Variants in NECAB2 observed in about 807,000 individuals in gnomAD.
The protein encoded by NECAB2 is N-terminal EF-hand calcium binding protein 2.
Under a neutral mutation model 51.9 loss-of-function variants are expected in NECAB2, and 68 were observed. The observed-to-expected ratio is 1.31, with a 90% CI of 1.08 to 1.60. The LOEUF (loss-of-function observed/expected upper bound fraction) is 1.60, where lower values mean the gene tolerates loss of function less well. NECAB2 is among the 40% of genes most tolerant of loss of function. The probability of loss-of-function intolerance (pLI) is 0.00; values close to 1 mark genes in which losing one functional copy is unlikely to be tolerated. For synonymous variants in NECAB2, 329 were observed against 203.5 expected (o/e 1.62, Z -5.25); for missense variants, 854 against 490.3 (o/e 1.74, Z -7.00).
intron 8 of NECAB2, among the ~76,000 whole-genome samples, chr16:83,995,735 C>G (rs1320905037): frequency 6.6e-6 from 1 of 152,144 alleles, no homozygotes; most frequent in East Asian, 1.9e-4. Context: ...ACAAGGGGCT[C>G]CCCGCATGGA....
At chr16:83,972,221 T>C in intron 2 of NECAB2, 46 bp downstream of exon 2, 1 of 1,612,220 alleles carries the variant, frequency 6.2e-7, no homozygotes, top group Non-Finnish European at 8.5e-7. Context: ...CCTTCTGTCC[T>C]CGTGCTTCAT....
chr16:83,993,279 CT>C (rs1567674771), intron 6 of NECAB2: 4 of 152,214 alleles, frequency 2.6e-5, no homozygotes, highest in African/African-American at 9.7e-5. Context: ...ATTTAATTTC[CT>C]GCTGGTTTAT....
At chr16:83,996,888 C>T (rs531546254) in intron 8 of NECAB2, among the ~76,000 whole-genome samples, 2 of 152,258 alleles carry the variant, frequency 1.3e-5, no homozygotes, top group South Asian at 2.1e-4. Context: ...CCCTGAGGTG[C>T]TGGGGGTTAT....
intron 5 of NECAB2, among the ~76,000 whole-genome samples, chr16:83,984,496 G>A (rs2084527720): frequency 6.6e-6 from 1 of 152,000 alleles, no homozygotes. Flanking sequence ...GCCGAGGCGG[G>A]AGGATCGCTT....
At chr16:83,968,963 A>G (rs1218060412) in intron 1 of NECAB2, 114 bp downstream of exon 1, 2 of 611,066 alleles carry the variant, frequency 3.3e-6, no homozygotes, top group South Asian at 7.4e-5. Context: ...CTACCCGGGC[A>G]GGAGACCCCC....
chr16:84,000,974 C>T lies in NECAB2; in HGVS notation c.1040+173C>T, dbSNP rs369863639. Among the ~76,000 whole-genome samples, 462 of 127,094 alleles carry T rather than the reference C, an allele frequency of 3.6e-3. 6 individuals are homozygous for T. Among genetic ancestry groups the T allele is most frequent in the African/African-American group, 0.022 (445 of 20,450 alleles). 83.4% of individuals were successfully genotyped at this position (127,094 alleles called of 152,430 possible). On this transcript the variant is annotated intron_variant, in intron 11 of 12. Coordinates refer to ENST00000305202, the MANE Select transcript of NECAB2 (RefSeq NM_019065.3). ...CAGTAAACCCTGGTGGAGGCAGGAG[C>T]TCTTGGTGGGTAGTGAGAGCCCCCA...
chr16:83,978,373 C>G, intron 2 of NECAB2, 71 bp from the exon 3 acceptor site: 2 of 1,214,674 alleles, frequency 1.6e-6, no homozygotes, highest in Non-Finnish European at 2.4e-6. Context: ...ATTTGGGGGC[C>G]GTGCATGCAC....
intron 6 of NECAB2, 41 bp downstream of exon 6, chr16:83,990,671 C>T (rs367768960): frequency 5.7e-5 from 91 of 1,605,472 alleles, no homozygotes; most frequent in Admixed American, 4.7e-4. Flanking sequence ...GGGGGTATGC[C>T]GTGCACGCGC....
chr16:83,984,756 C>G (rs1221337822), intron 5 of NECAB2, among the ~76,000 whole-genome samples: 1 of 152,132 alleles, frequency 6.6e-6, no homozygotes, highest in African/African-American at 2.4e-5. Flanking sequence ...AAATGTGCTG[C>G]TGTAGCTCAC....
rs1480905319 is a variant in NECAB2 at position 84,001,836 on chromosome 16, G to A, written c.1052G>A (p.Ser351Asn). 6.2e-7 allele frequency: 1 copy of A among 1,614,084 alleles called. No homozygotes were observed. Among genetic ancestry groups the A allele is most frequent in the Non-Finnish European group, 8.5e-7 (1 of 1,179,954 alleles). The change falls in exon 12 of 13, where the codon AGC becomes AAC. Residue 351 changes from serine to asparagine, a missense_variant. By Grantham distance (46) the Ser-to-Asn change is conservative (BLOSUM62 1). Coordinates refer to ENST00000305202, the MANE Select transcript of NECAB2 (RefSeq NM_019065.3). ...TEEAWKRHLQ[S>N]PLCKAFRHVK... ...TCCCTGCGTCACAGGCACCTGCAGA[G>A]CCCCCTGTGTAAGGCGTTCCGGCAC...
At position 83,986,535 on chromosome 16, in the gene NECAB2, C is replaced by G. The variant is rs75956729; in HGVS notation, c.460-3959C>G. ...TGCATTTCTGTATAAGAGATAAAGACGGGGTCTTGTTGTGTTGCCCAGGCT... is the reference window on the plus strand; with the variant it reads ...TGCATTTCTGTATAAGAGATAAAGAGGGGGTCTTGTTGTGTTGCCCAGGCT... On this transcript the variant is annotated intron_variant, in intron 5 of 12. Coordinates refer to ENST00000305202, the MANE Select transcript of NECAB2 (RefSeq NM_019065.3). Among the ~76,000 whole-genome samples the G allele has an allele frequency of 1.8e-3, 270 of 152,184 alleles. 1 individual carries two copies. The highest frequency in any genetic ancestry group is 6.2e-3 in the African/African-American group (257 of 41,518).
chr16:83,984,267 T>C (rs1420360898), intron 5 of NECAB2, among the ~76,000 whole-genome samples: 1 of 151,730 alleles, frequency 6.6e-6, no homozygotes, highest in African/African-American at 2.4e-5. Flanking sequence ...AGTGCTGGGA[T>C]TACAGGCGTG....
chr16:83,996,693 T>G (rs1371070396), intron 8 of NECAB2, among the ~76,000 whole-genome samples: 1 of 152,022 alleles, frequency 6.6e-6, no homozygotes, highest in Admixed American at 6.6e-5. Flanking sequence ...TGACTGTTGA[T>G]CTTCTGTGGG....
At position 84,002,487 on chromosome 16, in the gene NECAB2, G is replaced by GTTCTTT; in HGVS notation, c.*142_*143insTCTTTT. The GTTCTTT allele has an allele frequency of 8.5e-7, 1 of 1,172,290 alleles. No individual in the cohort carries two copies. Among genetic ancestry groups the GTTCTTT allele is most frequent in the Non-Finnish European group, 1.2e-6 (1 of 805,628 alleles). 72.6% of individuals were successfully genotyped at this position (1,172,290 alleles called of 1,614,324 possible). A position where few individuals can be genotyped will look rare whatever the true frequency, so the allele number is the denominator to read the frequency against. Reference sequence around the variant, plus strand: ...CAAGAAGGTGTTTCCCTGTTGTTAAGTGAAGGAGGCCGCCCCTGCCCCCAC... The same window carrying GTTCTTT: ...CAAGAAGGTGTTTCCCTGTTGTTAAGTTCTTTTGAAGGAGGCCGCCCCTGCCCCCAC... On this transcript the variant is annotated 3_prime_UTR_variant, in exon 13 of 13. Coordinates refer to ENST00000305202, the MANE Select transcript of NECAB2 (RefSeq NM_019065.3).
At chr16:83,983,198 G>A (rs374869690) in intron 5 of NECAB2, among the ~76,000 whole-genome samples, 3 of 152,138 alleles carry the variant, frequency 2.0e-5, no homozygotes, top group Non-Finnish European at 4.4e-5. Flanking sequence ...AGTGGTTTTT[G>A]TTTGTAGAAA....
chr16:83,979,625 G>A (rs961627258), intron 3 of NECAB2, among the ~76,000 whole-genome samples: 9 of 152,102 alleles, frequency 5.9e-5, no homozygotes, highest in African/African-American at 1.2e-4. Flanking sequence ...CCAGGCAGGT[G>A]CCCATTGATT....
chr16:83,968,419 G>A lies in NECAB2; in HGVS notation c.-230G>A, dbSNP rs1473592294. The stretch of plus-strand genomic sequence containing the variant: ...CCTCGCCCCGGCGGGCAGTCCTCAG[G>A]CCCCGCGCCCGGCCGGCGGGGGTGG... On this transcript the variant is annotated 5_prime_UTR_variant, in exon 1 of 13. Transcript: ENST00000305202. 6.7e-6 allele frequency among the ~76,000 whole-genome samples: 1 copy of A among 148,544 alleles called. No homozygotes were observed. The highest frequency in any genetic ancestry group is 1.5e-5 in the Non-Finnish European group (1 of 66,862).
Position 84,002,760 on chromosome 16 carries a change from A to C in NECAB2, c.*414A>C. 9.6e-6 allele frequency: 2 copies of C among 208,940 alleles called. No homozygotes were observed. Among genetic ancestry groups the C allele is most frequent in the East Asian group, 1.1e-4 (1 of 9,144 alleles). 12.9% of individuals were successfully genotyped at this position (208,940 alleles called of 1,614,324 possible). On this transcript the variant is annotated 3_prime_UTR_variant, in exon 13 of 13. Coordinates refer to ENST00000305202, the MANE Select transcript of NECAB2 (RefSeq NM_019065.3). The stretch of plus-strand genomic sequence containing the variant: ...CACCACTGTGCCCAGGCGCCAAATA[A>C]ACCCTGGTTGGGAAGAGCTGTGTGC...
intron 3 of NECAB2, among the ~76,000 whole-genome samples, chr16:83,979,535 A>G (rs2084458044): frequency 6.6e-6 from 1 of 152,288 alleles, no homozygotes; most frequent in East Asian, 1.9e-4. Context: ...CAGGCTCCAG[A>G]CTGCAGAATG....
Sources: allele counts gnomAD v4.1 joint callset (sites outside exome capture counted in the v4.1 genomes callset), GRCh38; gene constraint gnomAD v4.1.1; transcripts MANE v1.5; gene names NCBI Gene and HGNC (gene_info 2026-07-23, HGNC 2026-07-21).